Variants in RAPGEF5 observed in about 807,000 individuals in gnomAD.
RAPGEF5 encodes Rap guanine nucleotide exchange factor 5.
RAPGEF5 carries 65 observed loss-of-function variants against 125.2 expected under a neutral mutation model. The ratio of observed to expected loss-of-function variants is 0.52; its 90% CI spans 0.43 to 0.64. The LOEUF (loss-of-function observed/expected upper bound fraction) is 0.64. Ranked by LOEUF, RAPGEF5 falls within the 30% of genes least tolerant of loss-of-function variation. RAPGEF5 has a pLI of 0.00. For missense variants in RAPGEF5, 958 were observed against 1,048.1 expected, an observed-to-expected ratio of 0.91 and a Z score of 1.19; for synonymous variants, 391 against 385.9, an observed-to-expected ratio of 1.01 and a Z score of -0.16.
At chr7:22,316,475 ATATATATATATATATTTT>A (rs1305407163) in intron 2 of RAPGEF5, among the ~76,000 whole-genome samples, 60 of 54,470 alleles carry the variant, frequency 1.1e-3, no homozygotes, top group South Asian at 5.0e-3. Flanking sequence ...ATATATATAT[ATATATATATATATATTTT>A]TTTTTTTTTT....
intron 20 of RAPGEF5, among the ~76,000 whole-genome samples, chr7:22,142,892 C>T (rs1427371825): frequency 6.6e-6 from 1 of 152,196 alleles, no homozygotes; most frequent in African/African-American, 2.4e-5. Flanking sequence ...TTCCTACTAG[C>T]ATGATTACAG....
At chr7:22,343,869 T>C (rs955205692) in intron 1 of RAPGEF5, among the ~76,000 whole-genome samples, 10 of 151,942 alleles carry the variant, frequency 6.6e-5, no homozygotes, top group African/African-American at 2.4e-4. Context: ...TTATAATTCC[T>C]GCGTATAAGC....
chr7:22,321,297 T>C (rs1247753186), intron 1 of RAPGEF5, among the ~76,000 whole-genome samples: 10 of 152,212 alleles, frequency 6.6e-5, no homozygotes, highest in East Asian at 1.9e-4. Context: ...TTAGCAACCA[T>C]ATATTACATT....
At chr7:22,156,683 G>A in intron 16 of RAPGEF5, 127 bp downstream of exon 16, 1 of 1,451,938 alleles carries the variant, frequency 6.9e-7, no homozygotes, top group South Asian at 1.4e-5. Context: ...TGCTGTTTGA[G>A]GCTAACGTGC....
At chr7:22,350,951 A>G (rs1003995483) in intron 1 of RAPGEF5, among the ~76,000 whole-genome samples, 14 of 152,180 alleles carry the variant, frequency 9.2e-5, no homozygotes, top group African/African-American at 3.4e-4. Context: ...TGTGTCCCTC[A>G]TATCTGATCT....
intron 9 of RAPGEF5, among the ~76,000 whole-genome samples, chr7:22,219,490 C>T (rs1360951029): frequency 6.7e-6 from 1 of 150,320 alleles, no homozygotes; most frequent in Non-Finnish European, 1.5e-5. Context: ...CTGTACTAAA[C>T]ATAAAAATAT....
intron 8 of RAPGEF5, among the ~76,000 whole-genome samples, chr7:22,224,841 T>C (rs1489839699): frequency 3.9e-5 from 6 of 152,004 alleles, no homozygotes; most frequent in Non-Finnish European, 7.4e-5. Context: ...TTTTCTTTTT[T>C]TTTTTTTTTT....
chr7:22,176,975 G>A (rs902537870), intron 11 of RAPGEF5, among the ~76,000 whole-genome samples: 31 of 152,202 alleles, frequency 2.0e-4, no homozygotes, highest in Non-Finnish European at 5.9e-5. Context: ...CAGGAGACAT[G>A]CCTCTGTGTT....
At chr7:22,153,788 C>T (rs1376534613) in intron 17 of RAPGEF5, among the ~76,000 whole-genome samples, 1 of 152,040 alleles carries the variant, frequency 6.6e-6, no homozygotes, top group East Asian at 1.9e-4. Flanking sequence ...ATAAAGATTG[C>T]AAACCAAAAA....
At chr7:22,250,082 T>C (rs1401952776) in intron 7 of RAPGEF5, among the ~76,000 whole-genome samples, 5 of 152,218 alleles carry the variant, frequency 3.3e-5, no homozygotes, top group African/African-American at 7.2e-5. Flanking sequence ...TGGTTCCTTA[T>C]CTCCAAACAA....
At chr7:22,147,055 C>A in intron 18 of RAPGEF5, 36 bp from the exon 19 acceptor site, 1 of 1,605,758 alleles carries the variant, frequency 6.2e-7, no homozygotes, top group Non-Finnish European at 8.5e-7. Context: ...CTCAGTAATT[C>A]CCAAATGTTT....
intron 7 of RAPGEF5, among the ~76,000 whole-genome samples, chr7:22,263,433 T>C (rs539025919): frequency 6.6e-6 from 1 of 152,172 alleles, no homozygotes; most frequent in Non-Finnish European, 1.5e-5. Flanking sequence ...TGCATATTAA[T>C]TTTAAAAATT....
At chr7:22,253,619 AAAG>A (rs1786677472) in intron 7 of RAPGEF5, among the ~76,000 whole-genome samples, 1 of 152,216 alleles carries the variant, frequency 6.6e-6, no homozygotes, top group Admixed American at 6.5e-5. Context: ...AATTAGATGG[AAAG>A]AAGATCAAAA....
intron 9 of RAPGEF5, among the ~76,000 whole-genome samples, chr7:22,195,696 G>A (rs1416167226): frequency 6.6e-6 from 1 of 151,942 alleles, no homozygotes; most frequent in African/African-American, 2.4e-5. Flanking sequence ...AAGGTGGCTG[G>A]AGAGAAGTGC....
At chr7:22,130,006 A>G (rs1170057145) in intron 24 of RAPGEF5, among the ~76,000 whole-genome samples, 2 of 152,124 alleles carry the variant, frequency 1.3e-5, no homozygotes, top group Non-Finnish European at 2.9e-5. Context: ...CCGTTCTTTG[A>G]TCATGGTCTG....
At chr7:22,346,589 A>G (rs960924366) in intron 1 of RAPGEF5, among the ~76,000 whole-genome samples, 9 of 152,206 alleles carry the variant, frequency 5.9e-5, no homozygotes, top group African/African-American at 2.2e-4. Flanking sequence ...GTGTTAGGCA[A>G]TCACAAGTAT....
At chr7:22,217,311 T>C (rs1222517792) in intron 9 of RAPGEF5, among the ~76,000 whole-genome samples, 1 of 152,200 alleles carries the variant, frequency 6.6e-6, no homozygotes, top group African/African-American at 2.4e-5. Flanking sequence ...CCTCTGTCCA[T>C]GCTGTGTGTC....
chr7:22,260,532 T>TAAAAAA (rs71550468), intron 7 of RAPGEF5, among the ~76,000 whole-genome samples: 26 of 124,160 alleles, frequency 2.1e-4, no homozygotes, highest in African/African-American at 7.4e-4. Flanking sequence ...TTAGGACCAG[T>TAAAAAA]AAAAAAAAAA....
chr7:22,341,199 T>A (rs1002426368), intron 1 of RAPGEF5, among the ~76,000 whole-genome samples: 10 of 152,188 alleles, frequency 6.6e-5, no homozygotes. Flanking sequence ...GAAAGGCACA[T>A]CTCACATGGC....
Sources: allele counts gnomAD v4.1 joint callset (sites outside exome capture counted in the v4.1 genomes callset), GRCh38; gene constraint gnomAD v4.1.1; transcripts MANE v1.5; gene names NCBI Gene and HGNC (gene_info 2026-07-23, HGNC 2026-07-21).